The following FLYWCH1 variants were observed in gnomAD, a reference collection of about 807,000 sequenced individuals.
FLYWCH1 encodes FLYWCH-type zinc finger-containing protein 1.
A neutral mutation model predicts 66.4 loss-of-function variants in FLYWCH1; 75 were observed. The ratio of observed to expected loss-of-function variants is 1.13; its 90% CI spans 0.94 to 1.37. The LOEUF (loss-of-function observed/expected upper bound fraction) is 1.37. Ranked by LOEUF, FLYWCH1 falls within the 40% of genes most tolerant of loss-of-function variation. The pLI is 0.00. For missense variants in FLYWCH1, 1,334 were observed against 1,001.8 expected (o/e 1.33, Z -4.48); for synonymous variants, 595 against 429.9 (o/e 1.38, Z -4.75).
chr16:2,912,968 G>A (rs2070042353), intron 1 of FLYWCH1: 1 of 152,148 alleles, frequency 6.6e-6, no homozygotes, highest in African/African-American at 2.4e-5. Flanking sequence ...AGATTTTCTC[G>A]TGTGATTATA....
At chr16:2,923,506 A>G (rs2070451157) in intron 2 of FLYWCH1, among the ~76,000 whole-genome samples, 1 of 151,958 alleles carries the variant, frequency 6.6e-6, no homozygotes, top group Admixed American at 6.6e-5. Flanking sequence ...TCAGCCTCCC[A>G]AAGTGCTGGG....
chr16:2,935,097 A>T (rs1220068475), intron 6 of FLYWCH1: 1 of 153,272 alleles, frequency 6.5e-6, no homozygotes, highest in East Asian at 1.9e-4. Context: ...CTATTTTTGT[A>T]TATTTAGCAG....
At chr16:2,946,308 G>A (rs561675930) in intron 9 of FLYWCH1, among the ~76,000 whole-genome samples, 272 of 147,402 alleles carry the variant, frequency 1.8e-3, no homozygotes, top group Non-Finnish European at 3.3e-3. Context: ...CTGTATAGGT[G>A]GGCTGTACTT....
At chr16:2,912,456 G>A (rs995299121) in intron 1 of FLYWCH1, among the ~76,000 whole-genome samples, 1 of 151,856 alleles carries the variant, frequency 6.6e-6, no homozygotes, top group African/African-American at 2.4e-5. Context: ...CGCAGCATCA[G>A]CCCCGTCCCA....
At position 2,930,533 on chromosome 16, in the gene FLYWCH1, A is replaced by G. The variant is rs373564797; in HGVS notation, c.449A>G (p.His150Arg). 9.6e-5 allele frequency: 148 copies of G among 1,546,804 alleles called. No homozygotes were observed. Among genetic ancestry groups the G allele is most frequent in the Non-Finnish European group, 1.2e-4 (136 of 1,151,202 alleles). ...GDKVYWKCRQ[H>R]AELGCRGRAI... is the part of the protein sequence containing the mutation. The stretch of plus-strand genomic sequence containing the variant: ...AAGGTGTACTGGAAGTGCCGCCAAC[A>G]TGCTGAGCTGGGCTGCCGGGGCCGG... The change falls in exon 4 of 10, where the codon CAT becomes CGT. Residue 150 changes from histidine to arginine, a missense_variant. By Grantham distance (29) the His-to-Arg change is conservative. Coordinates refer to ENST00000253928, the MANE Select transcript of FLYWCH1 (RefSeq NM_001308068.2).
Position 2,914,794 on chromosome 16 carries a change from A to G in FLYWCH1, c.-74+505A>G, listed in dbSNP as rs957761405. ...CGCACACCTGTAATCCCAGCTACTC[A>G]GGAGCCTGAGGAGCAGAATCGCTTG... On this transcript the variant is annotated intron_variant, in intron 2 of 9. Transcript: ENST00000253928. 2.0e-5 allele frequency among the ~76,000 whole-genome samples: 3 copies of G among 151,692 alleles called. No individual in the cohort carries two copies. In the South Asian group the frequency reaches 6.2e-4, roughly 32 times the overall value.
intron 9 of FLYWCH1, among the ~76,000 whole-genome samples, chr16:2,941,212 G>C (rs1330894280): frequency 6.6e-6 from 1 of 152,130 alleles, no homozygotes; most frequent in Non-Finnish European, 1.5e-5. Context: ...CAACACTCTG[G>C]GAGGCAGAGG....
chr16:2,927,054 G>A (rs991307219), intron 2 of FLYWCH1, among the ~76,000 whole-genome samples: 4 of 152,172 alleles, frequency 2.6e-5, no homozygotes, highest in African/African-American at 4.8e-5. Flanking sequence ...GCTGCCAGCC[G>A]AGCTTCAGTA....
At chr16:2,944,028 T>G (rs2071378396) in intron 9 of FLYWCH1, among the ~76,000 whole-genome samples, 1 of 151,914 alleles carries the variant, frequency 6.6e-6, no homozygotes, top group African/African-American at 2.4e-5. Context: ...CCTGGGAGGT[T>G]GAGGCTGCAG....
intron 2 of FLYWCH1, among the ~76,000 whole-genome samples, chr16:2,926,238 A>G (rs1254357760): frequency 1.3e-5 from 2 of 152,222 alleles, no homozygotes; most frequent in African/African-American, 2.4e-5. Flanking sequence ...AGAACAAGGA[A>G]CTTTAGATCT....
intron 4 of FLYWCH1, among the ~76,000 whole-genome samples, chr16:2,932,531 C>T (rs997048855): frequency 6.6e-5 from 10 of 151,926 alleles, no homozygotes; most frequent in Non-Finnish European, 1.0e-4. Flanking sequence ...GGCTTGGGTT[C>T]GAGGAGGCCA....
rs7199416 is a variant in FLYWCH1, at chr16:2,939,900, C to T, written c.2051-132C>T. 1,144 of 1,025,302 alleles carry T rather than the reference C, an allele frequency of 1.1e-3. 7 individuals carry two copies. In the African/African-American group the frequency reaches 0.017, roughly 15 times the overall value. The allele number at this position is 1,025,302 out of a possible 1,614,324, so 63.5% of individuals were successfully genotyped here. A position where few individuals can be genotyped will look rare whatever the true frequency, so the allele number is the denominator to read the frequency against. The stretch of plus-strand genomic sequence containing the variant: ...GAAGGTAATTGATGCGTTGAATTCC[C>T]AGCGTTGCTTCACCCGGTTGTCTTT... On this transcript the variant is annotated intron_variant, in intron 8 of 9. Transcript: ENST00000253928.
intron 6 of FLYWCH1, 26 bp downstream of exon 6, chr16:2,934,005 G>T: frequency 4.0e-6 from 6 of 1,496,888 alleles, no homozygotes; most frequent in Non-Finnish European, 5.3e-6. Context: ...CTGGGAGCTG[G>T]GCCCCAGGAA....
chr16:2,934,874 T>A (rs920294715), intron 6 of FLYWCH1: 70 of 257,454 alleles, frequency 2.7e-4, no homozygotes, highest in South Asian at 1.2e-3. Context: ...TATTAATTGG[T>A]TTTTCCATTT....
chr16:2,912,924 T>A (rs2070040878), intron 1 of FLYWCH1: 1 of 152,218 alleles, frequency 6.6e-6, no homozygotes, highest in African/African-American at 2.4e-5. Context: ...ATTTCTGCTT[T>A]CCAAGGGCCA....
chr16:2,937,508 A>G, intron 7 of FLYWCH1, 124 bp downstream of exon 7: 2 of 1,190,940 alleles, frequency 1.7e-6, no homozygotes, highest in Non-Finnish European at 2.2e-6. Flanking sequence ...CCGGGGCCAT[A>G]AACTCCCCAG....
rs573449455 is a variant in FLYWCH1, at chr16:2,948,849, A to G, written c.*122A>G. On this transcript the variant is annotated 3_prime_UTR_variant, in exon 10 of 10. Coordinates refer to ENST00000253928, the MANE Select transcript of FLYWCH1 (RefSeq NM_001308068.2). ...TTCTTTTCATTCTTCCAAAGCATCG[A>G]TGGTCTTCGCGTCTCCTCAGGAGGT... is the stretch of plus-strand genomic sequence containing the variant. 1.3e-5 allele frequency: 11 copies of G among 862,706 alleles called. No individual in the cohort carries two copies. The South Asian group carries it at 1.3e-4, about 10-fold the overall frequency. 53.4% of individuals were successfully genotyped at this position (862,706 alleles called of 1,614,324 possible). A position where few individuals can be genotyped will look rare whatever the true frequency, so the allele number is the denominator to read the frequency against.
intron 9 of FLYWCH1, among the ~76,000 whole-genome samples, chr16:2,945,270 G>A (rs1045278765): frequency 2.6e-5 from 4 of 151,932 alleles, no homozygotes; most frequent in Admixed American, 6.6e-5. Context: ...GGCGGATCAC[G>A]AGGTCAGGAG....
Position 2,938,217 on chromosome 16 carries a change from C to T in FLYWCH1, c.1811C>T (p.Ser604Phe). ...CGGCCCCTGGAGTTCCTGAGGACTT[C>T]CCTGGGGGGCAGGTTCCTGGTGCAC... The part of the protein sequence containing the change: ...PLRPLEFLRT[S>F]LGGRFLVHES... The change falls in exon 8 of 10, where the codon TCC (serine) becomes TTC (phenylalanine). Residue 604 changes from serine (S) to phenylalanine (F), a missense_variant. Transcript: ENST00000253928. 4 of 1,613,070 alleles carry T rather than the reference C, an allele frequency of 2.5e-6. No homozygotes were observed. The highest frequency in any genetic ancestry group is 3.4e-6 in the Non-Finnish European group (4 of 1,179,582).
Sources: allele counts gnomAD v4.1 joint callset (sites outside exome capture counted in the v4.1 genomes callset), GRCh38; gene constraint gnomAD v4.1.1; transcripts MANE v1.5; gene names NCBI Gene and HGNC (gene_info 2026-07-23, HGNC 2026-07-21).